The following BCAR3 variants were observed in gnomAD, a reference collection of about 807,000 sequenced individuals.
The protein encoded by BCAR3 is BCAR3 adaptor protein, NSP family member.
BCAR3 carries 37 observed loss-of-function variants against 80.1 expected under a neutral mutation model. The observed-to-expected ratio is 0.46, with a 90% CI of 0.36 to 0.61. The LOEUF is 0.61. Among genes scored for constraint, BCAR3 ranks in the 20% least tolerant of loss-of-function variants. BCAR3 has a pLI of 0.00. For missense variants in BCAR3, 978 were observed against 1,068.2 expected (o/e 0.92, Z 1.18); for synonymous variants, 389 against 418.9 (o/e 0.93, Z 0.87).
intron 3 of BCAR3, among the ~76,000 whole-genome samples, chr1:93,606,980 T>C (rs760887477): frequency 2.6e-5 from 4 of 152,080 alleles, no homozygotes; most frequent in Admixed American, 6.6e-5. Flanking sequence ...ACTGGTGGCA[T>C]AAAAGGGGCT....
intron 2 of BCAR3, among the ~76,000 whole-genome samples, chr1:93,842,633 C>T (rs1175938321): frequency 6.6e-6 from 1 of 152,158 alleles, no homozygotes; most frequent in Non-Finnish European, 1.5e-5. Context: ...CCTGCACATC[C>T]CCTCCTATAG....
At chr1:93,817,998 G>A (rs1232992528) in intron 2 of BCAR3, among the ~76,000 whole-genome samples, 2 of 152,188 alleles carry the variant, frequency 1.3e-5, no homozygotes, top group Non-Finnish European at 2.9e-5. Flanking sequence ...AGACTTTAGT[G>A]ACTGCTCCCT....
intron 3 of BCAR3, among the ~76,000 whole-genome samples, chr1:93,619,145 A>G (rs1287109605): frequency 7.2e-6 from 1 of 138,988 alleles, no homozygotes; most frequent in Non-Finnish European, 1.5e-5. Context: ...ACTTGGTTTC[A>G]CCATGTTGGC....
chr1:93,700,686 T>C (rs1571057890), intron 3 of BCAR3, among the ~76,000 whole-genome samples: 3 of 152,316 alleles, frequency 2.0e-5, no homozygotes, highest in Admixed American at 2.0e-4. Flanking sequence ...GCAACGACTC[T>C]GAATACTCCC....
intron 3 of BCAR3, among the ~76,000 whole-genome samples, chr1:93,618,924 GTTT>G (rs796584340): frequency 5.1e-5 from 7 of 136,034 alleles, no homozygotes; most frequent in African/African-American, 1.9e-4. Context: ...GAAGCCGTGG[GTTT>G]TTTTTTTTTT....
At chr1:93,721,225 T>C (rs1000379253) in intron 2 of BCAR3, among the ~76,000 whole-genome samples, 1 of 152,104 alleles carries the variant, frequency 6.6e-6, no homozygotes, top group Non-Finnish European at 1.5e-5. Flanking sequence ...ACTCAGTTCC[T>C]GCCATGCCCT....
At chr1:93,674,098 G>A (rs1005281359) in intron 2 of BCAR3, among the ~76,000 whole-genome samples, 2 of 152,152 alleles carry the variant, frequency 1.3e-5, no homozygotes, top group Non-Finnish European at 2.9e-5. Context: ...ATTTCCAGAT[G>A]AAATAATATG....
chr1:93,716,699 A>G (rs1385573945), intron 2 of BCAR3, among the ~76,000 whole-genome samples: 1 of 152,230 alleles, frequency 6.6e-6, no homozygotes, highest in Non-Finnish European at 1.5e-5. Flanking sequence ...CTTGGGTTCA[A>G]TCTCCCACAG....
chr1:93,626,855 T>G (rs1437322777), intron 3 of BCAR3, among the ~76,000 whole-genome samples: 1 of 152,230 alleles, frequency 6.6e-6, no homozygotes, highest in Non-Finnish European at 1.5e-5. Context: ...GAAAAGCAAC[T>G]GTGCAATTGA....
intron 2 of BCAR3, among the ~76,000 whole-genome samples, chr1:93,803,561 A>G (rs997048586): frequency 2.6e-5 from 4 of 152,220 alleles, no homozygotes; most frequent in African/African-American, 7.2e-5. Context: ...TGGCTCCTCC[A>G]GAGTCAGTTC....
chr1:93,565,198 C>G (rs1478291419), intron 11 of BCAR3, among the ~76,000 whole-genome samples: 1 of 152,054 alleles, frequency 6.6e-6, no homozygotes, highest in African/African-American at 2.4e-5. Context: ...CTGCCTCAGC[C>G]TCTCAAGTAT....
At chr1:93,740,185 G>C (rs1651129344) in intron 2 of BCAR3, among the ~76,000 whole-genome samples, 1 of 152,232 alleles carries the variant, frequency 6.6e-6, no homozygotes, top group Admixed American at 6.5e-5. Flanking sequence ...TGTCACCCAG[G>C]AAGCTGCTCA....
chr1:93,783,961 T>C (rs2143990), intron 2 of BCAR3, among the ~76,000 whole-genome samples: 43,601 of 152,114 alleles, frequency 0.29, 7,218 homozygotes, highest in East Asian at 0.53. Context: ...TTTTCTCTCT[T>C]GCGATGTTTA....
At chr1:93,607,439 C>T (rs1674804490) in intron 3 of BCAR3, among the ~76,000 whole-genome samples, 1 of 151,928 alleles carries the variant, frequency 6.6e-6, no homozygotes, top group South Asian at 2.1e-4. Context: ...TTAGGGTGAG[C>T]TGAACTAGGA....
At chr1:93,796,673 C>A (rs917935156) in intron 2 of BCAR3, among the ~76,000 whole-genome samples, 1 of 152,282 alleles carries the variant, frequency 6.6e-6, no homozygotes, top group Admixed American at 6.5e-5. Context: ...GCCATCTTGG[C>A]TCCTCCCCAA....
At chr1:93,599,155 T>G (rs922606723) in intron 3 of BCAR3, 2 of 152,168 alleles carry the variant, frequency 1.3e-5, no homozygotes, top group African/African-American at 4.8e-5. Flanking sequence ...CCTGGGATTT[T>G]TCTAGATGGA....
chr1:93,790,753 C>T (rs1267502030), intron 2 of BCAR3, among the ~76,000 whole-genome samples: 3 of 117,272 alleles, frequency 2.6e-5, no homozygotes, highest in Non-Finnish European at 5.0e-5. Flanking sequence ...GCTGCACCCA[C>T]TAACGTGTCA....
intron 2 of BCAR3, among the ~76,000 whole-genome samples, chr1:93,821,514 A>G (rs1654221926): frequency 6.6e-6 from 1 of 152,220 alleles, no homozygotes; most frequent in Non-Finnish European, 1.5e-5. Flanking sequence ...CCCAAAGACT[A>G]CAGGGGCCTT....
At chr1:93,791,078 A>T (rs1571131017) in intron 2 of BCAR3, among the ~76,000 whole-genome samples, 1 of 86,274 alleles carries the variant, frequency 1.2e-5, no homozygotes, top group Admixed American at 1.2e-4. Context: ...GTTTGTTCCA[A>T]GTCTTTGTTA....
Sources: allele counts gnomAD v4.1 joint callset (sites outside exome capture counted in the v4.1 genomes callset), GRCh38; gene constraint gnomAD v4.1.1; transcripts MANE v1.5; gene names NCBI Gene and HGNC (gene_info 2026-07-23, HGNC 2026-07-21).